ABCG2: variants seen among roughly 807,000 people sequenced by gnomAD.
ABCG2 encodes the protein ATP binding cassette subfamily G member 2 (JR blood group), also known as broad substrate specificity ATP-binding cassette transporter ABCG2.
In ABCG2, 80 loss-of-function variants were observed where a neutral mutation model predicts 73.5. The ratio of observed to expected loss-of-function variants is 1.09; its 90% CI spans 0.91 to 1.31. The LOEUF (loss-of-function observed/expected upper bound fraction) is 1.31, where lower values mean the gene tolerates loss of function less well. Among genes scored for constraint, ABCG2 ranks in the 50% most tolerant of loss-of-function variants. ABCG2 has a pLI of 0.00. For synonymous variants in ABCG2, 269 were observed against 282.4 expected, an observed-to-expected ratio of 0.95 and a Z score of 0.48; for missense variants, 796 against 786.2, an observed-to-expected ratio of 1.01 and a Z score of -0.15.
intron 2 of ABCG2, among the ~76,000 whole-genome samples, chr4:88,138,667 C>T (rs17731631): frequency 0.13 from 19,094 of 152,148 alleles, 1,458 homozygotes; most frequent in Middle Eastern, 0.23. Flanking sequence ...GCCAAAAAGG[C>T]CTTTCTCATG....
At chr4:88,133,060 C>T (rs993226940) in intron 2 of ABCG2, among the ~76,000 whole-genome samples, 1 of 152,200 alleles carries the variant, frequency 6.6e-6, no homozygotes, top group Non-Finnish European at 1.5e-5. Flanking sequence ...TGACATTCAA[C>T]ATTTAACGTT....
rs1419374930 is a variant in ABCG2 at position 88,090,487 on chromosome 4, A to C, written c.*1747T>G. 4 of 152,212 alleles carry C rather than the reference A, an allele frequency of 2.6e-5. No homozygotes were observed. Among genetic ancestry groups the C allele is most frequent in the Non-Finnish European group, 5.9e-5 (4 of 68,032 alleles). The allele number at this position is 152,212 out of a possible 1,614,324, so 9.4% of individuals were successfully genotyped here. A position where few individuals can be genotyped will look rare whatever the true frequency, so the allele number is the denominator to read the frequency against. The stretch of plus-strand genomic sequence containing the variant: ...TTCCTGATCACATAACCAAGAAAAA[A>C]GATAATGTGTTCCAAGATGACGCAT... On this transcript the variant is annotated 3_prime_UTR_variant, in exon 16 of 16. Coordinates refer to ENST00000237612, the MANE Select transcript of ABCG2 (RefSeq NM_004827.3).
chr4:88,191,533 T>C (rs1728693803), intron 1 of ABCG2, among the ~76,000 whole-genome samples: 2 of 152,008 alleles, frequency 1.3e-5, no homozygotes, highest in Non-Finnish European at 2.9e-5. Context: ...TAAAATCACT[T>C]TGGAAAACAG....
rs147230148 is a variant in ABCG2 at position 88,114,463 on chromosome 4, C to T, written c.943+494G>A. Among the ~76,000 whole-genome samples, 874 of 152,098 alleles carry T rather than the reference C, an allele frequency of 5.7e-3. 10 individuals are homozygous for T. The highest frequency in any genetic ancestry group is 0.02 in the African/African-American group (837 of 41,488). On this transcript the variant is annotated intron_variant, in intron 8 of 15. Coordinates refer to ENST00000237612, the MANE Select transcript of ABCG2 (RefSeq NM_004827.3). Reference sequence around the variant, plus strand: ...CCAACATGGTGAAACTCCATCTCTACTAAATATACGAAAATTAGCCGGGCC... The same window carrying T: ...CCAACATGGTGAAACTCCATCTCTATTAAATATACGAAAATTAGCCGGGCC...
At chr4:88,117,529 C>T in intron 7 of ABCG2, among the ~76,000 whole-genome samples, 1 of 151,838 alleles carries the variant, frequency 6.6e-6, no homozygotes, top group East Asian at 1.9e-4. Context: ...CCCAGCTACT[C>T]AGGAGGCTGA....
At chr4:88,130,253 G>T (rs1035133959) in intron 5 of ABCG2, among the ~76,000 whole-genome samples, 27 of 152,166 alleles carry the variant, frequency 1.8e-4, no homozygotes, top group African/African-American at 6.0e-4. Context: ...CCACCTGTCA[G>T]GTCAGTGGCG....
chr4:88,099,338 A>G lies in ABCG2; in HGVS notation c.1478T>C (p.Val493Ala), dbSNP rs757974423. Reference protein sequence around the residue: ...MLPSIIFTCIVYFMLGLKPKA... With the variant: ...MLPSIIFTCIAYFMLGLKPKA... ...TACATACTTACCTAACATGAAGTACACTATACAGGTAAATATAATACTTGG... is the reference window on the plus strand; with the variant it reads ...TACATACTTACCTAACATGAAGTACGCTATACAGGTAAATATAATACTTGG... Residue 493 changes from valine to alanine, a missense_variant, in exon 12 of 16, where the codon GTG (valine) becomes GCG (alanine). Physicochemically the swap from Val to Ala is moderately conservative, Grantham distance 64. Transcript: ENST00000237612. 1.1e-5 allele frequency: 17 copies of G among 1,604,986 alleles called. No homozygotes were observed. In the African/African-American group the frequency reaches 2.1e-4, roughly 20 times the overall value.
At chr4:88,200,834 T>G (rs1242882810) in intron 1 of ABCG2, among the ~76,000 whole-genome samples, 1 of 152,156 alleles carries the variant, frequency 6.6e-6, no homozygotes, top group Non-Finnish European at 1.5e-5. Flanking sequence ...TCTTAATTGA[T>G]CTAACAGATA....
At chr4:88,183,015 G>C (rs899723606) in intron 1 of ABCG2, among the ~76,000 whole-genome samples, 1 of 146,282 alleles carries the variant, frequency 6.8e-6, no homozygotes, top group Non-Finnish European at 1.5e-5. Flanking sequence ...AACCCAGGAG[G>C]TGGAGGTTGC....
intron 1 of ABCG2, among the ~76,000 whole-genome samples, chr4:88,166,802 C>A (rs1013097994): frequency 1.3e-5 from 2 of 152,020 alleles, no homozygotes; most frequent in Admixed American, 1.3e-4. Context: ...CATAGGAAAG[C>A]GAAGCCAGGA....
chr4:88,222,265 C>A (rs7655596), intron 1 of ABCG2, among the ~76,000 whole-genome samples: 32,277 of 152,152 alleles, frequency 0.21, 4,019 homozygotes, highest in Non-Finnish European at 0.29. Context: ...TATGGAAATG[C>A]CTGGATGTCC....
chr4:88,212,346 T>C (rs911399366), intron 1 of ABCG2, among the ~76,000 whole-genome samples: 20 of 152,102 alleles, frequency 1.3e-4, no homozygotes, highest in African/African-American at 4.6e-4. Flanking sequence ...TTCAGAAGCA[T>C]CTCCCGCCTG....
intron 1 of ABCG2, among the ~76,000 whole-genome samples, chr4:88,212,051 C>T (rs554991384): frequency 1.1e-4 from 16 of 152,176 alleles, no homozygotes; most frequent in Non-Finnish European, 2.4e-4. Context: ...TTTACACATA[C>T]CGCCCCCAAA....
chr4:88,115,256 C>CTCTCTCTA (rs1309360818), intron 7 of ABCG2, among the ~76,000 whole-genome samples, 198 bp from the exon 8 acceptor site: 7 of 69,868 alleles, frequency 1.0e-4, no homozygotes, highest in African/African-American at 3.9e-4. Context: ...CTCTCTCTCT[C>CTCTCTCTA]TATATATATA....
intron 4 of ABCG2, 44 bp from the exon 5 acceptor site, chr4:88,131,257 C>A: frequency 6.3e-7 from 1 of 1,587,960 alleles, no homozygotes; most frequent in South Asian, 1.1e-5. Context: ...GATAATGAGT[C>A]TTTTCTAAGA....
chr4:88,126,916 G>C (rs1437061940), intron 5 of ABCG2, among the ~76,000 whole-genome samples: 1 of 152,184 alleles, frequency 6.6e-6, no homozygotes, highest in Non-Finnish European at 1.5e-5. Flanking sequence ...AATATTGGAA[G>C]TTCTGGCCAG....
chr4:88,097,324 A>G, intron 13 of ABCG2, 129 bp downstream of exon 13: 4 of 1,005,242 alleles, frequency 4.0e-6, no homozygotes, highest in Non-Finnish European at 5.8e-6. Context: ...ATTCCAGTAG[A>G]TGGCCTTAAG....
At chr4:88,172,011 T>C (rs895251853) in intron 1 of ABCG2, among the ~76,000 whole-genome samples, 1 of 150,096 alleles carries the variant, frequency 6.7e-6, no homozygotes, top group East Asian at 2.0e-4. Context: ...ATAAAATAAA[T>C]AAGGCTGGGT....
chr4:88,196,342 A>G (rs997037389), intron 1 of ABCG2, among the ~76,000 whole-genome samples: 4 of 152,164 alleles, frequency 2.6e-5, no homozygotes, highest in African/African-American at 9.7e-5. Context: ...CATTGTTCCT[A>G]GCACAGAATA....
Sources: gnomAD v4.1 joint callset for allele counts (sites outside exome capture counted in the v4.1 genomes callset) on GRCh38, gnomAD v4.1.1 for gene constraint, MANE v1.5 for transcripts, NCBI Gene and HGNC (gene_info 2026-07-23, HGNC 2026-07-21) for gene names.